WDR91: variants seen among roughly 807,000 people sequenced by gnomAD.
WDR91 encodes WD repeat domain 91, also known as WD repeat-containing protein 91.
A neutral mutation model predicts 88.4 loss-of-function variants in WDR91; 52 were observed. The observed-to-expected ratio is 0.59, with a 90% CI of 0.47 to 0.74. The LOEUF is 0.74. Among genes scored for constraint, WDR91 ranks in the 30% least tolerant of loss-of-function variants. The pLI is 0.00. For synonymous variants in WDR91, 362 were observed against 389.5 expected (o/e 0.93, Z 0.83); for missense variants, 824 against 954.5 (o/e 0.86, Z 1.80).
rs750173279 is a variant in WDR91, at chr7:135,198,059, G to A, written c.984C>T (p.His328=). The part of the protein sequence containing the change: ...LATGESGWSQ[H]RQRRLQDHGK... ...CATGGTCCTGCAGGCGCCGCTGCCGGTGCTGTGACCAACCGGACTCCCCAG... is the reference window on the plus strand; with the variant it reads ...CATGGTCCTGCAGGCGCCGCTGCCGATGCTGTGACCAACCGGACTCCCCAG... Residue 328 remains histidine (H), a synonymous_variant, in exon 7 of 15, where the codon CAC becomes CAT. Transcript: ENST00000354475. 1 of 1,614,164 alleles carries A rather than the reference G, an allele frequency of 6.2e-7. No homozygotes were observed. Among genetic ancestry groups the A allele is most frequent in the Admixed American group, 1.7e-5 (1 of 60,024 alleles).
At chr7:135,193,190 G>C in intron 11 of WDR91, 41 bp downstream of exon 11, 1 of 1,605,346 alleles carries the variant, frequency 6.2e-7, no homozygotes, top group Non-Finnish European at 8.5e-7. Flanking sequence ...AATACAGAGT[G>C]TGTGCCTGGC....
Position 135,195,007 on chromosome 7 carries a change from A to G in WDR91, c.1322T>C (p.Met441Thr), listed in dbSNP as rs1831309583. Reference protein sequence around the residue: ...VIKVWSFNPIMQTKASSISKS... With the variant: ...VIKVWSFNPITQTKASSISKS... ...GGAAATGGAGGATGCTTTGGTCTGC[A>G]TGATGGGGTTGAAGGACCACACTTT... The change falls in exon 9 of 15, where the codon ATG becomes ACG. Residue 441 changes from methionine to threonine, a missense_variant. Physicochemically the swap from Met to Thr is moderately conservative, Grantham distance 81 (BLOSUM62 -1). Coordinates refer to ENST00000354475, the MANE Select transcript of WDR91 (RefSeq NM_014149.4). 6.2e-7 allele frequency: 1 copy of G among 1,614,044 alleles called. No homozygotes were observed. The highest frequency in any genetic ancestry group is 8.5e-7 in the Non-Finnish European group (1 of 1,180,044).
chr7:135,198,023 C>A lies in WDR91; in HGVS notation c.1020G>T (p.Arg340Ser). 1 of 1,614,196 alleles carries A rather than the reference C, an allele frequency of 6.2e-7. No individual in the cohort carries two copies. Among genetic ancestry groups the A allele is most frequent in the Non-Finnish European group, 8.5e-7 (1 of 1,180,024 alleles). The change falls in exon 7 of 15, where the codon AGG (arginine) becomes AGT (serine). Residue 340 changes from arginine to serine, a missense_variant. Coordinates refer to ENST00000354475, the MANE Select transcript of WDR91 (RefSeq NM_014149.4). The part of the protein sequence containing the change: ...QRRLQDHGKE[R>S]KELFSTTTSQ... The stretch of plus-strand genomic sequence containing the variant: ...AAGTGGTTGTGGAGAAAAGCTCCTT[C>A]CTCTCCTTGCCATGGTCCTGCAGGC...
Position 135,184,014 on chromosome 7 carries a change from C to T in WDR91, c.*2137G>A, listed in dbSNP as rs754091417. 5 of 152,040 alleles carry T rather than the reference C, an allele frequency of 3.3e-5. No homozygotes were observed. Among genetic ancestry groups the T allele is most frequent in the African/African-American group, 7.2e-5 (3 of 41,414 alleles). 9.4% of individuals were successfully genotyped at this position (152,040 alleles called of 1,614,324 possible). ...AAAACTTTGAGATGACAAGAGGAAA[C>T]GTTAATACCATTCTCACTCCAATGA... On this transcript the variant is annotated 3_prime_UTR_variant, in exon 15 of 15. Coordinates refer to ENST00000354475, the MANE Select transcript of WDR91 (RefSeq NM_014149.4).
intron 6 of WDR91, chr7:135,199,889 G>A (rs1831510164): frequency 6.6e-6 from 1 of 152,224 alleles, no homozygotes; most frequent in Non-Finnish European, 1.5e-5. Flanking sequence ...TTATTTGAAA[G>A]CCACTTGTAA....
intron 11 of WDR91, among the ~76,000 whole-genome samples, chr7:135,192,120 T>G (rs28541565): frequency 0.073 from 2,772 of 37,966 alleles, 149 homozygotes; most frequent in African/African-American, 0.13. Context: ...TTTTTTTTTT[T>G]TTTTTTTTTT....
chr7:135,198,340 T>G, intron 6 of WDR91, 189 bp from the exon 7 acceptor site: 1 of 596,322 alleles, frequency 1.7e-6, no homozygotes, highest in Non-Finnish European at 2.9e-6. Flanking sequence ...TTCTGTCCTC[T>G]ACCCGTTAAG....
rs539859125 is a variant in WDR91, at chr7:135,202,184, T to A, written c.891+2084A>T. ...GCTTTGACAAGCAATGAGCTCTGCA[T>A]CTTAGGAGGCAATCAATCCAGACAC... is the stretch of plus-strand genomic sequence containing the variant. On this transcript the variant is annotated intron_variant, in intron 6 of 14. Coordinates refer to ENST00000354475, the MANE Select transcript of WDR91 (RefSeq NM_014149.4). 14 of 152,352 alleles carry A rather than the reference T, an allele frequency of 9.2e-5. No individual in the cohort carries two copies. The East Asian group carries it at 2.1e-3, about 23-fold the overall frequency. 9.4% of individuals were successfully genotyped at this position (152,352 alleles called of 1,614,324 possible). A position where few individuals can be genotyped will look rare whatever the true frequency, so the allele number is the denominator to read the frequency against.
intron 11 of WDR91, 37 bp downstream of exon 11, chr7:135,193,194 G>A (rs1289230261): frequency 1.2e-6 from 2 of 1,606,744 alleles, no homozygotes; most frequent in African/African-American, 1.3e-5. Flanking sequence ...CAGAGTGTGT[G>A]CCTGGCCCCA....
chr7:135,209,289 T>C (rs917282390), intron 2 of WDR91, among the ~76,000 whole-genome samples: 1 of 152,200 alleles, frequency 6.6e-6, no homozygotes, highest in African/African-American at 2.4e-5. Flanking sequence ...TCTTTATTAC[T>C]CAAACTTTAA....
Position 135,197,997 on chromosome 7 carries a change from G to A in WDR91, c.1046C>T (p.Ser349Phe). The change falls in exon 7 of 15, where the codon TCC becomes TTC. Residue 349 changes from serine to phenylalanine, a missense_variant. By Grantham distance (155) the Ser-to-Phe change is radical (BLOSUM62 -2). Transcript: ENST00000354475. ...ERKELFSTTT[S>F]QCAEKKPEAS... ...GTGTTCAGGACAACCCCATACCTGG[G>A]AAGTGGTTGTGGAGAAAAGCTCCTT... The A allele has an allele frequency of 6.2e-7, 1 of 1,614,064 alleles. No homozygotes were observed. The highest frequency in any genetic ancestry group is 8.5e-7 in the Non-Finnish European group (1 of 1,179,920).
chr7:135,205,816 C>T, intron 5 of WDR91, 112 bp downstream of exon 5: 1 of 1,506,758 alleles, frequency 6.6e-7, no homozygotes, highest in Non-Finnish European at 9.0e-7. Flanking sequence ...GGCTCTTCCG[C>T]AATTCTCCTT....
At chr7:135,209,920 T>A in intron 1 of WDR91, 165 bp from the exon 2 acceptor site, 2 of 530,720 alleles carry the variant, frequency 3.8e-6, no homozygotes, top group Non-Finnish European at 6.2e-6. Context: ...GGTTTTTCAG[T>A]AATTTTCTGA....
chr7:135,208,666 A>C, intron 3 of WDR91, 125 bp downstream of exon 3: 1 of 793,472 alleles, frequency 1.3e-6, no homozygotes, highest in Non-Finnish European at 1.9e-6. Flanking sequence ...CCCTCATGTG[A>C]CCCATAAAAA....
At chr7:135,189,480 A>G in intron 11 of WDR91, 28 bp from the exon 12 acceptor site, 1 of 1,598,178 alleles carries the variant, frequency 6.3e-7, no homozygotes, top group Non-Finnish European at 8.6e-7. Flanking sequence ...AAATGTCAGT[A>G]GCAGATCTTC....
Position 135,211,416 on chromosome 7 carries a change from G to T in WDR91, c.87C>A (p.Asp29Glu). 4 of 1,612,046 alleles carry T rather than the reference G, an allele frequency of 2.5e-6. No individual in the cohort carries two copies. Among genetic ancestry groups the T allele is most frequent in the Non-Finnish European group, 3.4e-6 (4 of 1,179,202 alleles). Residue 29 changes from aspartate to glutamate, a missense_variant, in exon 1 of 15, where the codon GAC (aspartate) becomes GAA (glutamate). Coordinates refer to ENST00000354475, the MANE Select transcript of WDR91 (RefSeq NM_014149.4). The part of the protein sequence containing the change: ...RGFTHTLRQL[D>E]AEIKADKEKG... ...TCTCCTTGTCCGCCTTGATCTCGGC[G>T]TCCAGCTGCCGCAGTGTGTGCGTGA...
chr7:135,187,170 C>T lies in WDR91; in HGVS notation c.1882-1G>A. ...TCTTGTGGATGTTCCACTGGATGAA[C>T]TGCAGTCACAGGGCACAAGCAGGGT... is the stretch of plus-strand genomic sequence containing the variant. On this transcript the variant is annotated splice_acceptor_variant, in intron 13 of 14. Transcript: ENST00000354475. LOFTEE classifies it high-confidence loss of function. 1.2e-6 allele frequency: 2 copies of T among 1,614,130 alleles called. No individual in the cohort carries two copies. The highest frequency in any genetic ancestry group is 1.7e-6 in the Non-Finnish European group (2 of 1,180,034).
At chr7:135,197,959 A>G (rs940593162) in intron 7 of WDR91, 34 bp downstream of exon 7, 5 of 1,598,212 alleles carry the variant, frequency 3.1e-6, no homozygotes, top group Non-Finnish European at 8.6e-7. Flanking sequence ...TAGCTGCATG[A>G]GTGTCCCCAG....
At chr7:135,203,297 T>C (rs1831638727) in intron 6 of WDR91, among the ~76,000 whole-genome samples, 1 of 152,186 alleles carries the variant, frequency 6.6e-6, no homozygotes, top group African/African-American at 2.4e-5. Flanking sequence ...AGCCCCAAAC[T>C]GCTGTGCCAC....
Sources: allele counts gnomAD v4.1 joint callset (sites outside exome capture counted in the v4.1 genomes callset), GRCh38; gene constraint gnomAD v4.1.1; transcripts MANE v1.5; gene names NCBI Gene and HGNC (gene_info 2026-07-23, HGNC 2026-07-21).